The following ZNF554 variants were observed in gnomAD, a reference collection of about 807,000 sequenced individuals.
The protein encoded by ZNF554 is zinc finger protein 554.
Under a neutral mutation model 21.2 loss-of-function variants are expected in ZNF554, and 15 were observed. That is an observed-to-expected ratio of 0.71 (90% CI 0.47 to 1.09). The LOEUF (loss-of-function observed/expected upper bound fraction) is 1.09, where lower values mean the gene tolerates loss of function less well. Among genes scored for constraint, ZNF554 ranks in the 50% least tolerant of loss-of-function variants. The pLI, the probability that ZNF554 is intolerant of heterozygous loss-of-function variation, is 0.00. For synonymous variants in ZNF554, 258 were observed against 251.4 expected, an observed-to-expected ratio of 1.03 and a Z score of -0.25; for missense variants, 691 against 662.7, an observed-to-expected ratio of 1.04 and a Z score of -0.47.
intron 2 of ZNF554, chr19:2,826,356 A>C (rs1162273113): frequency 6.6e-6 from 1 of 151,476 alleles, no homozygotes; most frequent in Non-Finnish European, 1.5e-5. Flanking sequence ...GGTACGTGCC[A>C]CCACGATTGG....
rs1437129860 is a variant in ZNF554 at position 2,833,597 on chromosome 19, A to G, written c.446-84A>G. ...ACATCAGTCCGCACAGGCCTTGTAGATGTCAGAAGGACTTCTGTCCCGCTG... is the reference window on the plus strand; with the variant it reads ...ACATCAGTCCGCACAGGCCTTGTAGGTGTCAGAAGGACTTCTGTCCCGCTG... On this transcript the variant is annotated intron_variant, in intron 4 of 4. Coordinates refer to ENST00000317243, the MANE Select transcript of ZNF554 (RefSeq NM_001102651.2). 3.5e-6 allele frequency: 4 copies of G among 1,157,896 alleles called. No homozygotes were observed. In the African/African-American group the frequency reaches 4.6e-5, roughly 13 times the overall value. 71.7% of individuals were successfully genotyped at this position (1,157,896 alleles called of 1,614,324 possible). A position where few individuals can be genotyped will look rare whatever the true frequency, so the allele number is the denominator to read the frequency against.
At chr19:2,827,172 T>G (rs1224730766) in intron 2 of ZNF554, among the ~76,000 whole-genome samples, 2 of 152,228 alleles carry the variant, frequency 1.3e-5, no homozygotes, top group Non-Finnish European at 2.9e-5. Context: ...CAACACACTT[T>G]GGATAAAATT....
chr19:2,820,957 C>G (rs1242601269), intron 1 of ZNF554, among the ~76,000 whole-genome samples: 1 of 151,618 alleles, frequency 6.6e-6, no homozygotes, highest in East Asian at 1.9e-4. Flanking sequence ...AGCCACCGCG[C>G]AGCTGCAAGG....
chr19:2,827,943 A>T (rs2087357636), intron 3 of ZNF554, among the ~76,000 whole-genome samples, 200 bp downstream of exon 3: 1 of 152,188 alleles, frequency 6.6e-6, no homozygotes. Flanking sequence ...GTCACATCTT[A>T]CGTGGCGGTA....
chr19:2,823,252 G>T, intron 2 of ZNF554, 140 bp downstream of exon 2: 1 of 756,688 alleles, frequency 1.3e-6, no homozygotes. Context: ...TGTGGGATGA[G>T]GTACTCCTGC....
chr19:2,833,479 A>G (rs977036147), intron 4 of ZNF554, among the ~76,000 whole-genome samples: 7 of 152,044 alleles, frequency 4.6e-5, no homozygotes, highest in Non-Finnish European at 1.0e-4. Context: ...ATCACTGTCA[A>G]TCTTCCACTG....
chr19:2,826,698 G>T (rs2087339225), intron 2 of ZNF554, among the ~76,000 whole-genome samples: 1 of 146,902 alleles, frequency 6.8e-6, no homozygotes, highest in Non-Finnish European at 1.5e-5. Flanking sequence ...GTCTCGCTCT[G>T]TCGCCCAGGC....
At position 2,833,955 on chromosome 19, in the gene ZNF554, AG is replaced by A; in HGVS notation, c.723del (p.Asn242ThrfsTer8). On this transcript the variant is annotated frameshift_variant, in exon 5 of 5. Transcript: ENST00000317243. LOFTEE classifies it low-confidence loss of function (END_TRUNC). ...TTGTTTTATCACAGGGAAGCTCTAAAGGGAACCACTTGTGTGGCAGCGAGTT... is the reference window on the plus strand; with the variant it reads ...TTGTTTTATCACAGGGAAGCTCTAAAGGAACCACTTGTGTGGCAGCGAGTT... ...ALVLSQGSSK[G>X]NHLCGSELDI... The A allele has an allele frequency of 6.2e-7, 1 of 1,614,144 alleles. No homozygotes were observed. Among genetic ancestry groups the A allele is most frequent in the Non-Finnish European group, 8.5e-7 (1 of 1,180,044 alleles).
At chr19:2,825,216 TTGGC>T (rs2087316268) in intron 2 of ZNF554, among the ~76,000 whole-genome samples, 1 of 152,192 alleles carries the variant, frequency 6.6e-6, no homozygotes, top group East Asian at 1.9e-4. Context: ...TTTCACCATG[TTGGC>T]CCAGGCTGGC....
Position 2,835,113 on chromosome 19 carries a change from C to A in ZNF554, c.*261C>A. 1 of 399,830 alleles carries A rather than the reference C, an allele frequency of 2.5e-6. No homozygotes were observed. Among genetic ancestry groups the A allele is most frequent in the East Asian group, 4.5e-5 (1 of 22,108 alleles). The allele number at this position is 399,830 out of a possible 1,614,324, so 24.8% of individuals were successfully genotyped here. A position where few individuals can be genotyped will look rare whatever the true frequency, so the allele number is the denominator to read the frequency against. On this transcript the variant is annotated 3_prime_UTR_variant, in exon 5 of 5. Coordinates refer to ENST00000317243, the MANE Select transcript of ZNF554 (RefSeq NM_001102651.2). Reference sequence around the variant, plus strand: ...TCCTGGGCTCAAGTAATCCTCCCACCCCAGCCTCCCAGGTAGCTAGTACTA... The same window carrying A: ...TCCTGGGCTCAAGTAATCCTCCCACACCAGCCTCCCAGGTAGCTAGTACTA...
chr19:2,822,498 T>C (rs1026701444), intron 1 of ZNF554, among the ~76,000 whole-genome samples: 6 of 152,186 alleles, frequency 3.9e-5, no homozygotes, highest in Non-Finnish European at 8.8e-5. Flanking sequence ...CATGGAGCGC[T>C]TCACTTCCTA....
chr19:2,820,167 CT>C (rs1413879607), intron 1 of ZNF554, 43 bp downstream of exon 1: 2 of 1,216,502 alleles, frequency 1.6e-6, no homozygotes, highest in Non-Finnish European at 2.0e-6. Context: ...CGTGCCGGGC[CT>C]GCCGGGGCTC....
chr19:2,834,735 CT>C lies in ZNF554; in HGVS notation c.1502del (p.Phe501SerfsTer66). 6.2e-7 allele frequency: 1 copy of C among 1,614,110 alleles called. No homozygotes were observed. The highest frequency in any genetic ancestry group is 8.5e-7 in the Non-Finnish European group (1 of 1,179,984). On this transcript the variant is annotated frameshift_variant, in exon 5 of 5. Transcript: ENST00000317243. LOFTEE classifies it low-confidence loss of function (END_TRUNC). ...PYRCQECGKA[F>X]SQSSSLVTHQ... ...ACAGGTGTCAGGAATGTGGGAAAGC[CT>C]TCAGCCAGAGCTCATCCCTTGTCAC... is the stretch of plus-strand genomic sequence containing the variant.
chr19:2,823,009 G>A, intron 1 of ZNF554, 31 bp from the exon 2 acceptor site: 1 of 1,607,884 alleles, frequency 6.2e-7, no homozygotes, highest in Non-Finnish European at 8.5e-7. Context: ...GCCTGGATCT[G>A]GTATTCGCAG....
At position 2,823,948 on chromosome 19, in the gene ZNF554, C is replaced by T. The variant is rs138200458; in HGVS notation, c.126+836C>T. 8.4e-3 allele frequency among the ~76,000 whole-genome samples: 1,284 copies of T among 152,202 alleles called. 7 individuals are homozygous for T. The highest frequency in any genetic ancestry group is 0.014 in the Non-Finnish European group (974 of 67,962). ...CCCCCAGTCTTCAGGCCCTCCCTGG[C>T]CTGAAGGTGGGGCCTTACTGGGGAC... On this transcript the variant is annotated intron_variant, in intron 2 of 4. Coordinates refer to ENST00000317243, the MANE Select transcript of ZNF554 (RefSeq NM_001102651.2).
chr19:2,820,077 C>A lies in ZNF554; in HGVS notation c.6C>A (p.Val2=), dbSNP rs1330178348. The A allele has an allele frequency of 8.2e-7, 1 of 1,212,962 alleles. No individual in the cohort carries two copies. Among genetic ancestry groups the A allele is most frequent in the South Asian group, 4.0e-5 (1 of 24,830 alleles). 75.1% of individuals were successfully genotyped at this position (1,212,962 alleles called of 1,614,324 possible). M[V]TCAHLGRRAR... ...GCGCCTCAGCGCGCGCCCCGATGGT[C>A]ACCTGCGCCCACCTGGGCCGGCGCG... Residue 2 remains valine, a synonymous_variant, in exon 1 of 5, where the codon GTC becomes GTA. Transcript: ENST00000317243.
In ZNF554 at chr19:2,832,385, T is replaced by C; in HGVS notation, c.336T>C (p.Leu112=). Reference sequence around the variant, plus strand: ...CACAAACCTCACAAGTCACTAGTCTTTCCTCATGGACGGGGTATTTACTTT... The same window carrying C: ...CACAAACCTCACAAGTCACTAGTCTCTCCTCATGGACGGGGTATTTACTTT... ...SPAQTSQVTS[L]SSWTGYLLFQ... The change falls in exon 4 of 5, where the codon CTT becomes CTC. Residue 112 remains leucine (L), a synonymous_variant. Transcript: ENST00000317243. The C allele has an allele frequency of 6.2e-7, 1 of 1,614,190 alleles. No individual in the cohort carries two copies. Among genetic ancestry groups the C allele is most frequent in the Non-Finnish European group, 8.5e-7 (1 of 1,180,028 alleles).
chr19:2,834,286 C>T lies in ZNF554; in HGVS notation c.1051C>T (p.Pro351Ser). ...TCAAAGAATTCACACGGGGGAGAAA[C>T]CCTACGAGTGTCAGGAGTGTGGGCG... is the stretch of plus-strand genomic sequence containing the variant. ...EHQRIHTGEK[P>S]YECQECGRAF... Residue 351 changes from proline (P) to serine (S), a missense_variant, in exon 5 of 5, where the codon CCC becomes TCC. Transcript: ENST00000317243. 6.2e-7 allele frequency: 1 copy of T among 1,614,100 alleles called. No individual in the cohort carries two copies.
Position 2,821,879 on chromosome 19 carries a change from G to A in ZNF554, c.54-1161G>A, listed in dbSNP as rs925870627. ...GGGGTTTTGCCATGTTGGCCAGGCT[G>A]GTCTCGAACTCCTGACCTCGTGGTC... On this transcript the variant is annotated intron_variant, in intron 1 of 4. Transcript: ENST00000317243. This position sits in a 1 kb window ranked among gnomAD's most constrained non-coding sequence, Gnocchi z 8.2. 6.6e-6 allele frequency among the ~76,000 whole-genome samples: 1 copy of A among 151,940 alleles called. No individual in the cohort carries two copies. The highest frequency in any genetic ancestry group is 1.5e-5 in the Non-Finnish European group (1 of 67,984).
Sources: allele counts gnomAD v4.1 joint callset (sites outside exome capture counted in the v4.1 genomes callset), GRCh38; gene constraint gnomAD v4.1.1; non-coding constraint Gnocchi (gnomAD v3.1); transcripts MANE v1.5; gene names NCBI Gene and HGNC (gene_info 2026-07-23, HGNC 2026-07-21).